The following OLA1 variants were observed in gnomAD, a reference collection of about 807,000 sequenced individuals.
The protein encoded by OLA1 is Obg like ATPase 1.
A neutral mutation model predicts 48.4 loss-of-function variants in OLA1; 14 were observed. The observed-to-expected ratio is 0.29, with a 90% CI of 0.19 to 0.45. OLA1 has a LOEUF of 0.45. OLA1 is among the 20% of genes least tolerant of loss of function. The probability of loss-of-function intolerance (pLI) is 1.00; values close to 1 mark genes in which losing one functional copy is unlikely to be tolerated. For missense variants in OLA1, 325 were observed against 467.1 expected, an observed-to-expected ratio of 0.70 and a Z score of 2.80; for synonymous variants, 127 against 150.4, an observed-to-expected ratio of 0.84 and a Z score of 1.14.
intron 2 of OLA1, among the ~76,000 whole-genome samples, chr2:174,239,006 G>A (rs1184032925): frequency 1.3e-5 from 2 of 152,078 alleles, no homozygotes; most frequent in South Asian, 2.1e-4. Context: ...AATCTATACT[G>A]ATATAAATAA....
intron 2 of OLA1, among the ~76,000 whole-genome samples, chr2:174,233,335 T>G (rs1239681043): frequency 6.6e-6 from 1 of 152,200 alleles, no homozygotes; most frequent in African/African-American, 2.4e-5. Context: ...ACAATTGAAC[T>G]GCACATTAAA....
At chr2:174,223,649 C>A (rs1688553222) in intron 3 of OLA1, among the ~76,000 whole-genome samples, 1 of 151,188 alleles carries the variant, frequency 6.6e-6, no homozygotes, top group Non-Finnish European at 1.5e-5. Flanking sequence ...GGAAATTATG[C>A]CTTAGAGGAG....
At chr2:174,229,834 A>C (rs963519736) in intron 2 of OLA1, among the ~76,000 whole-genome samples, 5 of 152,234 alleles carry the variant, frequency 3.3e-5, no homozygotes, top group African/African-American at 1.2e-4. Context: ...GAAATGTAGA[A>C]GTCATGTCTC....
At position 174,150,553 on chromosome 2, in the gene OLA1, C is replaced by T. The variant is rs950590056; in HGVS notation, c.374-8553G>A. On this transcript the variant is annotated intron_variant, in intron 4 of 10. Coordinates refer to ENST00000284719, the MANE Select transcript of OLA1 (RefSeq NM_013341.5). ...GGGTATGTAATCAAAATAGACCTATCTGACTTATGCTTTTTCCATATTCTA... is the reference window on the plus strand; with the variant it reads ...GGGTATGTAATCAAAATAGACCTATTTGACTTATGCTTTTTCCATATTCTA... 1.4e-4 allele frequency among the ~76,000 whole-genome samples: 21 copies of T among 152,218 alleles called. 1 individual carries two copies. Among genetic ancestry groups the T allele is most frequent in the African/African-American group, 5.1e-4 (21 of 41,468 alleles).
intron 4 of OLA1, among the ~76,000 whole-genome samples, chr2:174,157,510 A>T (rs1178707141): frequency 6.6e-6 from 1 of 152,192 alleles, no homozygotes; most frequent in Non-Finnish European, 1.5e-5. Flanking sequence ...TTTTAATCCC[A>T]TATTTAAGTG....
chr2:174,133,760 A>G (rs1292542536), intron 5 of OLA1, among the ~76,000 whole-genome samples: 1 of 151,586 alleles, frequency 6.6e-6, no homozygotes, highest in Admixed American at 6.6e-5. Context: ...CCAATCTGAC[A>G]TTCTTTGTCT....
chr2:174,211,840 A>G (rs1688251566), intron 4 of OLA1, among the ~76,000 whole-genome samples: 1 of 152,228 alleles, frequency 6.6e-6, no homozygotes, highest in African/African-American at 2.4e-5. Context: ...ACATACTGAC[A>G]TATTGAAATA....
chr2:174,093,068 C>T (rs9636259), intron 7 of OLA1, among the ~76,000 whole-genome samples: 42,891 of 152,152 alleles, frequency 0.28, 6,541 homozygotes, highest in Non-Finnish European at 0.35. Context: ...GACTAAGTGG[C>T]CTCCAGCAGG....
chr2:174,110,856 A>G (rs548102780), intron 7 of OLA1, among the ~76,000 whole-genome samples: 2 of 152,306 alleles, frequency 1.3e-5, no homozygotes, highest in Admixed American at 6.5e-5. Context: ...CACTAAGATT[A>G]CAGGAGTGAG....
intron 4 of OLA1, among the ~76,000 whole-genome samples, chr2:174,177,072 C>T (rs1687438145): frequency 6.6e-6 from 1 of 152,098 alleles, no homozygotes; most frequent in Non-Finnish European, 1.5e-5. Flanking sequence ...ACCACCTGAA[C>T]AATGATGTGT....
intron 7 of OLA1, 78 bp from the exon 8 acceptor site, chr2:174,082,142 A>G: frequency 6.8e-7 from 1 of 1,463,514 alleles, no homozygotes; most frequent in Non-Finnish European, 9.5e-7. Context: ...CAAGTAGCAC[A>G]TACATATTCA....
chr2:174,166,777 A>G (rs1687175243), intron 4 of OLA1, among the ~76,000 whole-genome samples: 2 of 152,142 alleles, frequency 1.3e-5, no homozygotes, highest in African/African-American at 4.8e-5. Flanking sequence ...AATGCAGCAG[A>G]TTGTATTTCT....
chr2:174,218,678 C>T (rs2105447152), intron 4 of OLA1, among the ~76,000 whole-genome samples: 1 of 152,226 alleles, frequency 6.6e-6, no homozygotes, highest in East Asian at 1.9e-4. Context: ...AACAAACCTA[C>T]TGAAAATAAA....
chr2:174,173,380 C>T (rs935420077), intron 4 of OLA1, among the ~76,000 whole-genome samples: 1 of 152,148 alleles, frequency 6.6e-6, no homozygotes, highest in Non-Finnish European at 1.5e-5. Context: ...ACCTATACGG[C>T]GTGAGGTTTT....
At chr2:174,123,153 G>T in intron 7 of OLA1, 27 bp downstream of exon 7, 2 of 1,016,114 alleles carry the variant, frequency 2.0e-6, no homozygotes, top group Non-Finnish European at 3.1e-6. Context: ...TGATGCATCT[G>T]GGTATATCTG....
chr2:174,245,893 C>A (rs1324383316), intron 2 of OLA1, among the ~76,000 whole-genome samples: 1 of 149,872 alleles, frequency 6.7e-6, no homozygotes, highest in Non-Finnish European at 1.5e-5. Context: ...GACTCCATCT[C>A]AAAAAAAAAG....
rs988571923 is a variant in OLA1, at chr2:174,164,938, G to A, written c.374-22938C>T. Among the ~76,000 whole-genome samples the A allele has an allele frequency of 1.4e-4, 22 of 152,158 alleles. 1 individual carries two copies. The highest frequency in any genetic ancestry group is 5.3e-4 in the African/African-American group (22 of 41,436). ...GACAGATGTGAACTAAAAACCACAT[G>A]GCCAGTGAAATGCAGGAAGCCATGT... On this transcript the variant is annotated intron_variant, in intron 4 of 10. Transcript: ENST00000284719.
intron 4 of OLA1, among the ~76,000 whole-genome samples, chr2:174,177,576 G>T (rs570072672): frequency 6.6e-6 from 1 of 152,156 alleles, no homozygotes; most frequent in Admixed American, 6.5e-5. Flanking sequence ...TTCTTAGACT[G>T]CTTGGAACAA....
chr2:174,126,599 T>C (rs928229284), intron 5 of OLA1, among the ~76,000 whole-genome samples: 1 of 152,178 alleles, frequency 6.6e-6, no homozygotes, highest in Non-Finnish European at 1.5e-5. Flanking sequence ...TGGGAATAAA[T>C]CCTAGCCACT....
Sources: allele counts gnomAD v4.1 joint callset (sites outside exome capture counted in the v4.1 genomes callset), GRCh38; gene constraint gnomAD v4.1.1; transcripts MANE v1.5; gene names NCBI Gene and HGNC (gene_info 2026-07-23, HGNC 2026-07-21).